Variants in PHEX observed in about 807,000 individuals in gnomAD.
PHEX encodes phosphate-regulating neutral endopeptidase PHEX.
PHEX carries 16 observed loss-of-function variants against 68.0 expected under a neutral mutation model. The ratio of observed to expected loss-of-function variants is 0.24; its 90% CI spans 0.16 to 0.36. PHEX has a LOEUF of 0.36. Ranked by LOEUF, PHEX falls within the 10% of genes least tolerant of loss-of-function variation. PHEX has a pLI of 1.00. For missense variants in PHEX, 480 were observed against 575.5 expected, an observed-to-expected ratio of 0.83 and a Z score of 1.70; for synonymous variants, 208 against 205.1, an observed-to-expected ratio of 1.01 and a Z score of -0.12.
chrX:22,103,535 A>G (rs1302922750), intron 9 of PHEX, among the ~76,000 whole-genome samples: 2 of 111,126 alleles, frequency 1.8e-5, no homozygotes, highest in Non-Finnish European at 3.8e-5. Flanking sequence ...CCTCCTGCTT[A>G]TAAGTGAGAA....
chrX:22,190,599 C>T (rs912977676), intron 15 of PHEX, 97 bp downstream of exon 15: 5 of 632,096 alleles, frequency 7.9e-6, no homozygotes, highest in African/African-American at 4.4e-5. Context: ...TTATTTCCCC[C>T]AAAAGTGGCA....
chrX:22,084,438 T>C (rs1026565306), intron 5 of PHEX, among the ~76,000 whole-genome samples: 2 of 111,789 alleles, frequency 1.8e-5, no homozygotes, highest in African/African-American at 3.3e-5. Flanking sequence ...CTAAGTCATA[T>C]TGGCTGGTAG....
chrX:22,085,006 T>C (rs1929566050), intron 5 of PHEX, among the ~76,000 whole-genome samples: 2 of 111,254 alleles, frequency 1.8e-5, no homozygotes, highest in Admixed American at 9.6e-5. Context: ...TTAATCTTTA[T>C]TATCTCTGTC....
intron 15 of PHEX, among the ~76,000 whole-genome samples, chrX:22,209,110 A>G (rs1421985760): frequency 1.8e-5 from 2 of 111,510 alleles, no homozygotes; most frequent in African/African-American, 3.3e-5. Context: ...GGAGGGTTAC[A>G]TGAAATTGGA....
At chrX:22,093,416 C>A (rs1929989509) in intron 6 of PHEX, among the ~76,000 whole-genome samples, 1 of 112,149 alleles carries the variant, frequency 8.9e-6, no homozygotes, top group Non-Finnish European at 1.9e-5. Flanking sequence ...CATCGTTCCT[C>A]TCTTTTCTCC....
intron 10 of PHEX, among the ~76,000 whole-genome samples, chrX:22,113,005 TTGTG>T (rs560422828): frequency 0.089 from 7,837 of 88,355 alleles, 219 homozygotes; most frequent in East Asian, 0.16. Flanking sequence ...CAAGTAGGTT[TTGTG>T]TGTGTGTGTG....
chrX:22,098,291 G>A (rs929121037), intron 8 of PHEX, among the ~76,000 whole-genome samples: 1 of 107,262 alleles, frequency 9.3e-6, no homozygotes, highest in African/African-American at 3.4e-5. Context: ...GAGTATGGGA[G>A]GAAGAAAGAG....
At chrX:22,087,121 A>G (rs543942264) in intron 5 of PHEX, among the ~76,000 whole-genome samples, 1 of 112,318 alleles carries the variant, frequency 8.9e-6, no homozygotes, top group African/African-American at 3.2e-5. Context: ...CCTCACTTGA[A>G]TTATCTAAAC....
At chrX:22,219,703 C>T (rs1449227478) in intron 17 of PHEX, among the ~76,000 whole-genome samples, 1 of 111,915 alleles carries the variant, frequency 8.9e-6, no homozygotes, top group African/African-American at 3.2e-5. Flanking sequence ...ACTGCAACCT[C>T]GGCCTCCCGT....
intron 11 of PHEX, among the ~76,000 whole-genome samples, chrX:22,124,085 C>T (rs755149728): frequency 1.1e-4 from 12 of 110,807 alleles, no homozygotes; most frequent in Non-Finnish European, 1.7e-4. Context: ...CCCTCCTCAG[C>T]GTCCCAAAGT....
chrX:22,081,048 G>A (rs748891137), intron 5 of PHEX, among the ~76,000 whole-genome samples: 1 of 111,423 alleles, frequency 9.0e-6, no homozygotes, highest in Non-Finnish European at 1.9e-5. Context: ...TACCCGATAT[G>A]CCTCTCAGAG....
At chrX:22,072,493 T>C (rs1001004816) in intron 3 of PHEX, among the ~76,000 whole-genome samples, 2 of 112,066 alleles carry the variant, frequency 1.8e-5, no homozygotes, top group African/African-American at 6.5e-5. Flanking sequence ...GGACACTAAA[T>C]ATGGTAACCA....
chrX:22,153,669 G>A (rs765880086), intron 12 of PHEX, among the ~76,000 whole-genome samples: 20 of 111,493 alleles, frequency 1.8e-4, no homozygotes, highest in Middle Eastern at 4.6e-3. Flanking sequence ...ACTGACACTC[G>A]TGCAGCAATT....
chrX:22,134,212 C>T (rs1462857738), intron 12 of PHEX, among the ~76,000 whole-genome samples: 1 of 112,351 alleles, frequency 8.9e-6, no homozygotes, highest in East Asian at 2.8e-4. Context: ...GAAGTGGACA[C>T]TTGCTGGGCC....
intron 18 of PHEX, among the ~76,000 whole-genome samples, chrX:22,225,449 C>T (rs1008868526): frequency 9.0e-6 from 1 of 111,251 alleles, no homozygotes; most frequent in East Asian, 2.8e-4. Context: ...TTTGGGAGGC[C>T]GTTATCCTGC....
chrX:22,052,019 G>T (rs182462238), intron 3 of PHEX, among the ~76,000 whole-genome samples: 174 of 110,717 alleles, frequency 1.6e-3, no homozygotes, highest in Non-Finnish European at 2.5e-3. Flanking sequence ...CTATTTATGT[G>T]TCTGTCAGTC....
At chrX:22,140,538 G>A (rs181960195) in intron 12 of PHEX, among the ~76,000 whole-genome samples, 23 of 111,344 alleles carry the variant, frequency 2.1e-4, no homozygotes, top group African/African-American at 7.5e-4. Flanking sequence ...CTAGAGTGCA[G>A]TGGTGCAATC....
At chrX:22,121,876 G>T (rs928331941) in intron 11 of PHEX, among the ~76,000 whole-genome samples, 3 of 111,670 alleles carry the variant, frequency 2.7e-5, no homozygotes, top group Non-Finnish European at 3.8e-5. Context: ...CCTAAGAAAA[G>T]AATTCTCCTC....
intron 15 of PHEX, among the ~76,000 whole-genome samples, chrX:22,192,548 C>T (rs1307412824): frequency 2.7e-5 from 3 of 111,844 alleles, no homozygotes; most frequent in Non-Finnish European, 3.8e-5. Context: ...CTACTCTCCC[C>T]CTTCCTCCCT....
Sources: allele counts gnomAD v4.1 joint callset (sites outside exome capture counted in the v4.1 genomes callset), GRCh38; gene constraint gnomAD v4.1.1; transcripts MANE v1.5; gene names NCBI Gene and HGNC (gene_info 2026-07-23, HGNC 2026-07-21).